CUX2: variants seen among roughly 807,000 people sequenced by gnomAD.
CUX2 encodes homeobox protein cut-like 2.
In CUX2, 40 loss-of-function variants were observed where a neutral mutation model predicts 144.8. That is an observed-to-expected ratio of 0.28 (90% confidence interval 0.21 to 0.36). CUX2 has a LOEUF of 0.36. Among genes scored for constraint, CUX2 ranks in the 10% least tolerant of loss-of-function variants. The pLI, the probability that CUX2 is intolerant of heterozygous loss-of-function variation, is 1.00. For synonymous variants in CUX2, 827 were observed against 875.6 expected (o/e 0.94, Z 0.98); for missense variants, 1,615 against 1,994.0 (o/e 0.81, Z 3.62).
In CUX2 at chr12:111,348,297, G is replaced by A. The variant is rs762417262; in HGVS notation, c.4433G>A (p.Arg1478Gln). The stretch of plus-strand genomic sequence containing the variant: ...TACCGAGTAGAGCGGGCTGCCAATC[G>A]GGAGGAGGCCCTGGAGTGGGAGTTC... ...IIYRVERAAN[R>Q]EEALEWEF Residue 1478 changes from arginine (R) to glutamine (Q), a missense_variant, in exon 22 of 22, where the codon CGG (arginine) becomes CAG (glutamine). Arg to Gln is a conservative substitution (Grantham distance 43). Transcript: ENST00000261726. 9 of 1,612,648 alleles carry A rather than the reference G, an allele frequency of 5.6e-6. No homozygotes were observed. Among genetic ancestry groups the A allele is most frequent in the Admixed American group, 1.7e-5 (1 of 60,016 alleles).
intron 3 of CUX2, among the ~76,000 whole-genome samples, chr12:111,240,896 G>T (rs970107019): frequency 6.6e-6 from 1 of 152,204 alleles, no homozygotes; most frequent in African/African-American, 2.4e-5. Flanking sequence ...AGCTCTGCAG[G>T]TGTGCCGATG....
rs891516606 is a variant in CUX2, at chr12:111,312,185, C to T, written c.1986C>T (p.Ile662=). The T allele has an allele frequency of 3.1e-6, 5 of 1,608,648 alleles. No individual in the cohort carries two copies. Among genetic ancestry groups the T allele is most frequent in the Admixed American group, 1.7e-5 (1 of 59,752 alleles). ...TTCTAGAGCAGGCCAAGAAGGAGAT[C>T]GAGTCGCAGAAGGGCGGTGAGTGTG... The part of the protein sequence containing the change: ...KSILEQAKKE[I]ESQKGGEPKT... The change falls in exon 16 of 22, where the codon ATC becomes ATT. Residue 662 remains isoleucine (I), a synonymous_variant. Coordinates refer to ENST00000261726, the MANE Select transcript of CUX2 (RefSeq NM_015267.4). This position sits in a 1 kb window ranked among gnomAD's most constrained non-coding sequence, Gnocchi z 4.3.
chr12:111,144,803 G>T lies in CUX2; in HGVS notation c.64-69397G>T, dbSNP rs76892715. Among the ~76,000 whole-genome samples, 553 of 152,312 alleles carry T rather than the reference G, an allele frequency of 3.6e-3. 33 individuals carry two copies. In the East Asian group the frequency reaches 0.1, roughly 29 times the overall value. ...GGTGAAATTGGGGGCCGGGGAGGGG[G>T]TGCCTATCCAAGGATCTTTACCTGG... On this transcript the variant is annotated intron_variant, in intron 1 of 21. Coordinates refer to ENST00000261726, the MANE Select transcript of CUX2 (RefSeq NM_015267.4).
intron 1 of CUX2, among the ~76,000 whole-genome samples, chr12:111,094,972 C>T (rs944150707): frequency 2.6e-5 from 4 of 152,172 alleles, no homozygotes; most frequent in Non-Finnish European, 4.4e-5. Context: ...TCCCCTGGCC[C>T]CCTACCTGGC....
At chr12:111,130,158 T>C (rs1704294596) in intron 1 of CUX2, among the ~76,000 whole-genome samples, 1 of 152,202 alleles carries the variant, frequency 6.6e-6, no homozygotes, top group South Asian at 2.1e-4. Flanking sequence ...TTTGGCAGTA[T>C]ACCAAGGTCC....
At position 111,214,201 on chromosome 12, in the gene CUX2, A is replaced by G. The variant is rs753841681; in HGVS notation, c.65A>G (p.Lys22Arg). ...TTTTTTTTTTTTTTATTGTTCCAGA[A>G]GGAGCTTAATTCCGTCGCTTCTGAG... Reference protein sequence around the residue: ...WKRFDLRRLQKELNSVASELS... With the variant: ...WKRFDLRRLQRELNSVASELS... The change falls in exon 2 of 22, where the codon AAG becomes AGG. Residue 22 changes from lysine (K) to arginine (R), a missense_variant and splice_region_variant. Physicochemically the swap from Lys to Arg is conservative, Grantham distance 26. Around this residue, in one of 12 missense-constraint regions of CUX2, gnomAD observed 64 missense variants for 64.9 expected, o/e 0.99. Transcript: ENST00000261726. 2 of 1,485,486 alleles carry G rather than the reference A, an allele frequency of 1.3e-6. No individual in the cohort carries two copies. Among genetic ancestry groups the G allele is most frequent in the Non-Finnish European group, 1.8e-6 (2 of 1,102,652 alleles). 92.0% of individuals were successfully genotyped at this position (1,485,486 alleles called of 1,614,324 possible). A position where few individuals can be genotyped will look rare whatever the true frequency, so the allele number is the denominator to read the frequency against.
intron 1 of CUX2, among the ~76,000 whole-genome samples, chr12:111,115,708 C>T (rs768894367): frequency 4.6e-5 from 7 of 152,128 alleles, no homozygotes; most frequent in South Asian, 2.1e-4. Context: ...TCTCCTGACT[C>T]GATGATCCAG....
At chr12:111,211,682 G>A (rs1016755831) in intron 1 of CUX2, among the ~76,000 whole-genome samples, 2 of 152,076 alleles carry the variant, frequency 1.3e-5, no homozygotes, top group Non-Finnish European at 2.9e-5. Context: ...TCAGGAGATC[G>A]AGACTATCCT....
Position 111,310,417 on chromosome 12 carries a change from G to T in CUX2, c.1635G>T (p.Gly545=), listed in dbSNP as rs1035009540. ...PADGGGGGAA[G]PGAEEEQLDT... ...ATGGTGGTGGGGGCGGAGCGGCGGG[G>T]CCCGGGGCAGAGGAGGAGCAGCTGG... is the stretch of plus-strand genomic sequence containing the variant. The change falls in exon 15 of 22, where the codon GGG becomes GGT. Residue 545 remains glycine, a synonymous_variant. Transcript: ENST00000261726. This position sits in a 1 kb window ranked among gnomAD's most constrained non-coding sequence, Gnocchi z 7.9. 1.9e-6 allele frequency: 3 copies of T among 1,611,032 alleles called. No homozygotes were observed. Among genetic ancestry groups the T allele is most frequent in the Middle Eastern group, 1.7e-4 (1 of 5,876 alleles).
chr12:111,323,868 G>A (rs1887649202), intron 18 of CUX2, among the ~76,000 whole-genome samples: 1 of 152,054 alleles, frequency 6.6e-6, no homozygotes, highest in Non-Finnish European at 1.5e-5. Flanking sequence ...ATCAGCCTTG[G>A]CAACATGGCG....
intron 1 of CUX2, among the ~76,000 whole-genome samples, chr12:111,048,052 G>A (rs1870082825): frequency 6.6e-6 from 1 of 152,200 alleles, no homozygotes; most frequent in Non-Finnish European, 1.5e-5. Flanking sequence ...GGCTAGAGAG[G>A]GGAGAAGAGG....
Position 111,186,852 on chromosome 12 carries a change from C to T in CUX2, c.64-27348C>T, listed in dbSNP as rs1879567633. ...GGAGTGCAGTGGTGCAATCTCAGCT[C>T]ATTGCAACCTCCACCTCCTGGGTTC... On this transcript the variant is annotated intron_variant, in intron 1 of 21. Transcript: ENST00000261726. The surrounding 1 kb of genome is among the most constrained non-coding windows in gnomAD (Gnocchi z 4.4). Among the ~76,000 whole-genome samples the T allele has an allele frequency of 6.6e-6, 1 of 151,706 alleles. No homozygotes were observed. The highest frequency in any genetic ancestry group is 2.4e-5 in the African/African-American group (1 of 41,234).
chr12:111,337,174 C>T (rs1385358711), intron 19 of CUX2, among the ~76,000 whole-genome samples: 1 of 151,446 alleles, frequency 6.6e-6, no homozygotes, highest in African/African-American at 2.4e-5. Context: ...AACTTTGTCC[C>T]CAAAAAAATG....
At chr12:111,127,047 C>G (rs1875129413) in intron 1 of CUX2, among the ~76,000 whole-genome samples, 1 of 152,126 alleles carries the variant, frequency 6.6e-6, no homozygotes, top group African/African-American at 2.4e-5. Flanking sequence ...GTCAATATAT[C>G]TTATGTTACC....
rs7302244 is a variant in CUX2 at position 111,254,100 on chromosome 12, T to C, written c.223-9661T>C. Reference sequence around the variant, plus strand: ...CTGGCTAGTTGAGGAAATGGAGCAGTGTTTGGATAGAAGCTAGCATTCCTG... The same window carrying C: ...CTGGCTAGTTGAGGAAATGGAGCAGCGTTTGGATAGAAGCTAGCATTCCTG... On this transcript the variant is annotated intron_variant, in intron 3 of 21. Transcript: ENST00000261726. Among the ~76,000 whole-genome samples the C allele has an allele frequency of 2.1e-3, 313 of 152,046 alleles. 3 individuals are homozygous for C. Among genetic ancestry groups the C allele is most frequent in the African/African-American group, 7.2e-3 (299 of 41,508 alleles).
At chr12:111,071,074 T>A (rs1195077383) in intron 1 of CUX2, among the ~76,000 whole-genome samples, 2 of 151,324 alleles carry the variant, frequency 1.3e-5, no homozygotes, top group Non-Finnish European at 2.9e-5. Context: ...TGTAAACATC[T>A]TTCTCTAGGT....
intron 4 of CUX2, among the ~76,000 whole-genome samples, chr12:111,278,914 G>A (rs7963641): frequency 0.31 from 46,482 of 152,036 alleles, 9,504 homozygotes; most frequent in East Asian, 0.66. Context: ...TTGTCTGGAT[G>A]TTAGTAATTT....
intron 1 of CUX2, among the ~76,000 whole-genome samples, chr12:111,133,754 G>T (rs1299349185): frequency 6.6e-6 from 1 of 152,138 alleles, no homozygotes; most frequent in Non-Finnish European, 1.5e-5. Context: ...GTCTTGTATG[G>T]CAGCTACCTC....
In CUX2 at chr12:111,127,313, G is replaced by A. The variant is rs115417825; in HGVS notation, c.64-86887G>A. Reference sequence around the variant, plus strand: ...GTGACCCAACTTTCATTCCTGAAGGGTCTGGGCCATTAGCAGTCCTGCCTG... The same window carrying A: ...GTGACCCAACTTTCATTCCTGAAGGATCTGGGCCATTAGCAGTCCTGCCTG... On this transcript the variant is annotated intron_variant, in intron 1 of 21. Coordinates refer to ENST00000261726, the MANE Select transcript of CUX2 (RefSeq NM_015267.4). Among the ~76,000 whole-genome samples the A allele has an allele frequency of 6.0e-3, 912 of 152,322 alleles. 8 individuals are homozygous for A. Among genetic ancestry groups the A allele is most frequent in the African/African-American group, 0.021 (862 of 41,564 alleles).
Sources: allele counts gnomAD v4.1 joint callset (sites outside exome capture counted in the v4.1 genomes callset), GRCh38; gene constraint gnomAD v4.1.1; regional missense constraint gnomAD v4.1.1; non-coding constraint Gnocchi (gnomAD v3.1); transcripts MANE v1.5; gene names NCBI Gene and HGNC (gene_info 2026-07-23, HGNC 2026-07-21).